The following CEP63 variants were observed in gnomAD, a reference collection of about 807,000 sequenced individuals.
CEP63 encodes centrosomal protein 63.
A neutral mutation model predicts 89.1 loss-of-function variants in CEP63; 84 were observed. That is an observed-to-expected ratio of 0.94 (90% CI 0.79 to 1.13). CEP63 has a LOEUF of 1.13. CEP63 is among the 50% of genes most tolerant of loss of function. The pLI, the probability that CEP63 is intolerant of heterozygous loss-of-function variation, is 0.00. For synonymous variants in CEP63, 267 were observed against 272.5 expected (o/e 0.98, Z 0.20); for missense variants, 838 against 813.3 (o/e 1.03, Z -0.37).
chr3:134,603,540 G>T, the CEP63 span: 4 of 1,533,882 alleles, frequency 2.6e-6, no homozygotes, highest in African/African-American at 5.5e-5. Context: ...GGGAGGTCTG[G>T]CCTTGGCCCT....
At chr3:134,676,000 C>T in the CEP63 span, among the ~76,000 whole-genome samples, 2 of 152,154 alleles carry the variant, frequency 1.3e-5, no homozygotes, top group Non-Finnish European at 2.9e-5. Flanking sequence ...AACACAGTTA[C>T]CATATGTACT....
the CEP63 span, among the ~76,000 whole-genome samples, chr3:134,693,098 G>T: frequency 6.6e-6 from 1 of 152,256 alleles, no homozygotes; most frequent in East Asian, 1.9e-4. Flanking sequence ...ACAGTGTTCA[G>T]GAAAAGAAAG....
the CEP63 span, among the ~76,000 whole-genome samples, chr3:134,645,817 G>A: frequency 6.6e-6 from 1 of 152,172 alleles, no homozygotes. Flanking sequence ...TCTTTTACAA[G>A]AGTCTTATAA....
At chr3:134,755,942 C>A in the CEP63 span, among the ~76,000 whole-genome samples, 14 of 152,330 alleles carry the variant, frequency 9.2e-5, no homozygotes, top group South Asian at 2.9e-3. Context: ...GAAAGGCTCA[C>A]ACGGGTCCAC....
At chr3:134,625,079 C>T in the CEP63 span, 1 of 1,601,082 alleles carries the variant, frequency 6.2e-7, no homozygotes. Context: ...TCCAATTTCT[C>T]AAACTGCTGC....
chr3:134,757,520 T>C, the CEP63 span, among the ~76,000 whole-genome samples: 3 of 152,314 alleles, frequency 2.0e-5, no homozygotes, highest in African/African-American at 4.8e-5. Context: ...GATTTGATGA[T>C]TGGCAGAATA....
At chr3:134,522,741 G>T (rs1947748561) in intron 3 of CEP63, among the ~76,000 whole-genome samples, 1 of 151,950 alleles carries the variant, frequency 6.6e-6, no homozygotes, top group Non-Finnish European at 1.5e-5. Flanking sequence ...CAAAAGACGT[G>T]ATCTCATTCT....
At chr3:134,629,781 CAATT>C in the CEP63 span, 3 of 820,516 alleles carry the variant, frequency 3.7e-6, no homozygotes, top group African/African-American at 1.8e-5. Context: ...AATAAAAAAA[CAATT>C]AGTTTTAGAA....
the CEP63 span, among the ~76,000 whole-genome samples, chr3:134,695,747 T>C: frequency 2.0e-5 from 3 of 152,244 alleles, no homozygotes; most frequent in Admixed American, 6.5e-5. Flanking sequence ...GTGGGCATGA[T>C]GGCCCGAGCA....
At chr3:134,595,671 T>A in the CEP63 span, among the ~76,000 whole-genome samples, 2 of 152,164 alleles carry the variant, frequency 1.3e-5, no homozygotes, top group African/African-American at 4.8e-5. Context: ...AGAGAGGGAA[T>A]CTCTTGGTGG....
At chr3:134,605,762 G>A in the CEP63 span, among the ~76,000 whole-genome samples, 15 of 150,642 alleles carry the variant, frequency 1.0e-4, no homozygotes, top group East Asian at 2.6e-3. Context: ...TCCTAATAAC[G>A]AGGCCTCTCA....
chr3:134,755,170 A>T, the CEP63 span, among the ~76,000 whole-genome samples: 1 of 152,142 alleles, frequency 6.6e-6, no homozygotes, highest in African/African-American at 2.4e-5. Flanking sequence ...AAGAAGGGAG[A>T]TGGGAGCACT....
the CEP63 span, among the ~76,000 whole-genome samples, chr3:134,717,666 C>A: frequency 6.6e-6 from 1 of 152,176 alleles, no homozygotes; most frequent in Non-Finnish European, 1.5e-5. Flanking sequence ...TCTGTTTCCA[C>A]TTAGGGCCTG....
At chr3:134,745,387 AATG>A in the CEP63 span, among the ~76,000 whole-genome samples, 1 of 152,158 alleles carries the variant, frequency 6.6e-6, no homozygotes, top group African/African-American at 2.4e-5. Context: ...TTCATTAGTA[AATG>A]ATGCATTCTC....
At chr3:134,569,771 T>TGACCGA (rs1402842685), downstream of CEP63, among the ~76,000 whole-genome samples, 1 of 152,230 alleles carries the variant, frequency 6.6e-6, no homozygotes, top group Non-Finnish European at 1.5e-5. Context: ...GTGGGGGCTC[T>TGACCGA]GACCCCACAT....
Position 134,559,509 on chromosome 3 carries a change from G to A in CEP63, c.1953+80G>A, listed in dbSNP as rs749926813. 1.3e-4 allele frequency: 166 copies of A among 1,236,488 alleles called. 1 individual carries two copies. The highest frequency in any genetic ancestry group is 9.3e-4 in the Middle Eastern group (4 of 4,292). 76.6% of individuals were successfully genotyped at this position (1,236,488 alleles called of 1,614,324 possible). On this transcript the variant is annotated intron_variant, in intron 14 of 14. Transcript: ENST00000675561. ...TTTTTATTTTAAGGGTGAAGAAGGT[G>A]ATTTTTTTTTCCTTACTGATTCTTT... is the stretch of plus-strand genomic sequence containing the variant.
intron 10 of CEP63, 90 bp downstream of exon 10, chr3:134,549,266 GAA>G: frequency 1.2e-6 from 1 of 815,424 alleles, no homozygotes. Flanking sequence ...TTTTTAATGA[GAA>G]AAAAATGTAG....
the CEP63 span, among the ~76,000 whole-genome samples, chr3:134,681,692 C>T: frequency 2.6e-5 from 4 of 152,264 alleles, no homozygotes; most frequent in South Asian, 4.1e-4. Flanking sequence ...GATCCAGGGG[C>T]TGGTGCCAGC....
chr3:134,607,691 G>A, the CEP63 span: 13 of 985,610 alleles, frequency 1.3e-5, no homozygotes, highest in Admixed American at 1.2e-4. Context: ...GGCAGCCCCC[G>A]TATGCCTCAG....
Sources: allele counts gnomAD v4.1 joint callset (sites outside exome capture counted in the v4.1 genomes callset), GRCh38; gene constraint gnomAD v4.1.1; transcripts MANE v1.5; gene names NCBI Gene and HGNC (gene_info 2026-07-23, HGNC 2026-07-21).